The following CD163L1 variants were observed in gnomAD, a reference collection of about 807,000 sequenced individuals.
The protein encoded by CD163L1 is CD163 molecule like 1.
A neutral mutation model predicts 165.4 loss-of-function variants in CD163L1; 124 were observed. The observed-to-expected ratio is 0.75, with a 90% CI of 0.65 to 0.87. CD163L1 has a LOEUF of 0.87. CD163L1 is among the 40% of genes least tolerant of loss of function. The pLI, the probability that CD163L1 is intolerant of heterozygous loss-of-function variation, is 0.00. For missense variants in CD163L1, 1,525 were observed against 1,799.9 expected, an observed-to-expected ratio of 0.85 and a Z score of 2.76; for synonymous variants, 585 against 662.2, an observed-to-expected ratio of 0.88 and a Z score of 1.79.
the CD163L1 span, chr12:7,323,380 A>G: frequency 3.1e-6 from 5 of 1,593,520 alleles, no homozygotes; most frequent in East Asian, 2.2e-5. Flanking sequence ...TCTGCTATTC[A>G]TTGCACAACT....
chr12:7,363,372 C>CA (rs1198738246), intron 18 of CD163L1, among the ~76,000 whole-genome samples: 1 of 150,536 alleles, frequency 6.6e-6, no homozygotes, highest in African/African-American at 2.4e-5. Flanking sequence ...CCTCAAGGAA[C>CA]AAAAAAAGAA....
chr12:7,422,570 A>G (rs986315904), intron 4 of CD163L1, among the ~76,000 whole-genome samples: 1 of 151,890 alleles, frequency 6.6e-6, no homozygotes, highest in African/African-American at 2.4e-5. Context: ...ACTAACTAGA[A>G]TAATCAGTTT....
intron 4 of CD163L1, among the ~76,000 whole-genome samples, chr12:7,411,813 G>A (rs867681346): frequency 3.3e-5 from 5 of 152,290 alleles, no homozygotes; most frequent in Non-Finnish European, 5.9e-5. Flanking sequence ...TATCTCCAAA[G>A]CAGGATGTAT....
the CD163L1 span, among the ~76,000 whole-genome samples, chr12:7,333,667 T>G: frequency 1.3e-4 from 19 of 151,986 alleles, no homozygotes; most frequent in African/African-American, 4.6e-4. Context: ...AGATAGAGAC[T>G]CAAAAAACCC....
intron 8 of CD163L1, among the ~76,000 whole-genome samples, chr12:7,384,366 A>G (rs1217399763): frequency 6.6e-6 from 1 of 152,108 alleles, no homozygotes; most frequent in Non-Finnish European, 1.5e-5. Context: ...GGCATAGAAA[A>G]CTTATTTAAT....
chr12:7,398,663 A>T lies in CD163L1; in HGVS notation c.1409-79T>A, dbSNP rs1947835243. ...AAGACTGAAAAGACTCTCTAAATTCACGACTATAAGGCTTTGCCTAACAGG... is the reference window on the plus strand; with the variant it reads ...AAGACTGAAAAGACTCTCTAAATTCTCGACTATAAGGCTTTGCCTAACAGG... On this transcript the variant is annotated intron_variant, in intron 6 of 19. Coordinates refer to ENST00000313599, the MANE Select transcript of CD163L1 (RefSeq NM_174941.6). This position sits in a 1 kb window ranked among gnomAD's most constrained non-coding sequence, Gnocchi z 4.5. 1 of 1,278,550 alleles carries T rather than the reference A, an allele frequency of 7.8e-7. No individual in the cohort carries two copies. The highest frequency in any genetic ancestry group is 2.4e-5 in the East Asian group (1 of 42,006). 79.2% of individuals were successfully genotyped at this position (1,278,550 alleles called of 1,614,324 possible). A position where few individuals can be genotyped will look rare whatever the true frequency, so the allele number is the denominator to read the frequency against.
chr12:7,320,517 A>AAT, the CD163L1 span, among the ~76,000 whole-genome samples: 3 of 152,224 alleles, frequency 2.0e-5, no homozygotes, highest in South Asian at 2.1e-4. Flanking sequence ...CTGTAATATT[A>AAT]ATATATATAC....
rs767010985 is a variant in CD163L1, at chr12:7,375,822, C to A, written c.2564G>T (p.Gly855Val). Residue 855 changes from glycine to valine, a missense_variant, in exon 10 of 20, where the codon GGT (glycine) becomes GTT (valine). Transcript: ENST00000313599. ...CTGGAACTTTTCGGCCCAAGTTAGACCATTCCCTTTTCCAAAGTGATCTCC... is the reference window on the plus strand; with the variant it reads ...CTGGAACTTTTCGGCCCAAGTTAGAACATTCCCTTTTCCAAAGTGATCTCC... ...SVGDHFGKGN[G>V]LTWAEKFQCE... is the part of the protein sequence containing the mutation. 6.2e-7 allele frequency: 1 copy of A among 1,614,224 alleles called. No individual in the cohort carries two copies. Among genetic ancestry groups the A allele is most frequent in the Non-Finnish European group, 8.5e-7 (1 of 1,180,040 alleles).
intron 2 of CD163L1, chr12:7,440,083 G>A (rs1318809449): frequency 2.0e-6 from 2 of 1,003,348 alleles, no homozygotes; most frequent in Non-Finnish European, 3.0e-6. Flanking sequence ...CACATCAGCG[G>A]CGTAACGGAA....
At chr12:7,438,597 T>G (rs1180428911) in intron 2 of CD163L1, among the ~76,000 whole-genome samples, 2 of 152,214 alleles carry the variant, frequency 1.3e-5, no homozygotes, top group African/African-American at 4.8e-5. Flanking sequence ...TCAAAATCAT[T>G]CTAAGAGAAA....
In CD163L1 at chr12:7,433,525, A is replaced by C. The variant is rs1201959755; in HGVS notation, c.294T>G (p.Phe98Leu). 6 of 1,614,194 alleles carry C rather than the reference A, an allele frequency of 3.7e-6. No individual in the cohort carries two copies. Among genetic ancestry groups the C allele is most frequent in the Non-Finnish European group, 5.1e-6 (6 of 1,180,026 alleles). ...GTCTAGTCACGGCTTGTCCAAAACG[A>C]AACATGGCGAAAGAAAATGGACATC... Reference protein sequence around the residue: ...QLGCPFSFAMFRFGQAVTRHG... With the variant: ...QLGCPFSFAMLRFGQAVTRHG... Residue 98 changes from phenylalanine (F) to leucine (L), a missense_variant, in exon 3 of 20, where the codon TTT becomes TTG. Transcript: ENST00000313599.
At chr12:7,332,932 A>G in the CD163L1 span, among the ~76,000 whole-genome samples, 1 of 152,186 alleles carries the variant, frequency 6.6e-6, no homozygotes, top group South Asian at 2.1e-4. Flanking sequence ...CACACATAAC[A>G]ATACTAACCT....
At chr12:7,425,384 G>C (rs1021770803) in intron 4 of CD163L1, among the ~76,000 whole-genome samples, 1 of 152,086 alleles carries the variant, frequency 6.6e-6, no homozygotes, top group Non-Finnish European at 1.5e-5. Context: ...ACAAACCCTA[G>C]AAGAAAACCT....
Position 7,422,318 on chromosome 12 carries a change from C to T in CD163L1, c.766+10098G>A, listed in dbSNP as rs747983457. ...GCCACAAAGATCTAAGGTAGATAAA[C>T]CCACGAAGATGAGGAAAAACCAGCG... On this transcript the variant is annotated intron_variant, in intron 4 of 19. Transcript: ENST00000313599. Among the ~76,000 whole-genome samples, 10 of 152,206 alleles carry T rather than the reference C, an allele frequency of 6.6e-5. No homozygotes were observed. The South Asian group carries it at 2.1e-3, about 32-fold the overall frequency.
In CD163L1 at chr12:7,406,512, C is replaced by T; in HGVS notation, c.1087+20G>A. ...AAAAAGAAATTTTATCTGATGTAATCATGTGGATGTAAGTCTTACCTGAGC... is the reference window on the plus strand; with the variant it reads ...AAAAAGAAATTTTATCTGATGTAATTATGTGGATGTAAGTCTTACCTGAGC... On this transcript the variant is annotated intron_variant, in intron 5 of 19. Coordinates refer to ENST00000313599, the MANE Select transcript of CD163L1 (RefSeq NM_174941.6). The T allele has an allele frequency of 6.2e-7, 1 of 1,602,608 alleles. No individual in the cohort carries two copies. The highest frequency in any genetic ancestry group is 8.5e-7 in the Non-Finnish European group (1 of 1,177,094).
intron 8 of CD163L1, among the ~76,000 whole-genome samples, chr12:7,393,285 C>T (rs746063638): frequency 6.6e-6 from 1 of 152,258 alleles, no homozygotes; most frequent in East Asian, 1.9e-4. Flanking sequence ...AATCAACAAA[C>T]ATAATCCATC....
At position 7,381,208 on chromosome 12, in the gene CD163L1, C is replaced by G. The variant is rs181625624; in HGVS notation, c.2051-1910G>C. 2.0e-5 allele frequency among the ~76,000 whole-genome samples: 3 copies of G among 152,194 alleles called. 1 individual carries two copies. Among genetic ancestry groups the G allele is most frequent in the African/African-American group, 7.2e-5 (3 of 41,534 alleles). ...CCTAATGTTGACAGATCTGACATGT[C>G]AGAAAATCAACTCTGACTTTGACCA... On this transcript the variant is annotated intron_variant, in intron 8 of 19. Transcript: ENST00000313599.
At chr12:7,423,496 G>C (rs1245060523) in intron 4 of CD163L1, among the ~76,000 whole-genome samples, 2 of 151,948 alleles carry the variant, frequency 1.3e-5, no homozygotes, top group African/African-American at 4.8e-5. Flanking sequence ...AACTGAAAGA[G>C]ACAGAGACAG....
chr12:7,373,466 G>C lies in CD163L1; in HGVS notation c.3584C>G (p.Ala1195Gly), dbSNP rs1947185011. 1 of 1,614,042 alleles carries C rather than the reference G, an allele frequency of 6.2e-7. No individual in the cohort carries two copies. Residue 1195 changes from alanine to glycine, a missense_variant, in exon 14 of 20, where the codon GCC becomes GGC. By Grantham distance (60) the Ala-to-Gly change is moderately conservative (BLOSUM62 0). Coordinates refer to ENST00000313599, the MANE Select transcript of CD163L1 (RefSeq NM_174941.6). ...ACCAGAGCCTGTCTTAGATAAAGGG[G>C]CGAGGCTGACAACTCCATTCTCCCC... ...GCGENGVVSL[A>G]PLSKTGSGFM...
Sources: gnomAD v4.1 joint callset for allele counts (sites outside exome capture counted in the v4.1 genomes callset) on GRCh38, gnomAD v4.1.1 for gene constraint, Gnocchi (gnomAD v3.1) non-coding constraint, MANE v1.5 for transcripts, NCBI Gene and HGNC (gene_info 2026-07-23, HGNC 2026-07-21) for gene names.